The following TRIOBP variants were observed in gnomAD, a reference collection of about 807,000 sequenced individuals.
The protein encoded by TRIOBP is TRIO and F-actin binding protein, also known as TRIO and F-actin-binding protein.
Under a neutral mutation model 238.8 loss-of-function variants are expected in TRIOBP, and 169 were observed. The ratio of observed to expected loss-of-function variants is 0.71; its 90% CI spans 0.62 to 0.80. The LOEUF (loss-of-function observed/expected upper bound fraction) is 0.80, where lower values mean the gene tolerates loss of function less well. TRIOBP is among the 30% of genes least tolerant of loss of function. TRIOBP has a pLI of 0.00. For missense variants in TRIOBP, 2,838 were observed against 3,122.6 expected (o/e 0.91, Z 2.17); for synonymous variants, 1,150 against 1,274.4 (o/e 0.90, Z 2.08).
chr22:37,757,202 A>G (rs1288412569), intron 15 of TRIOBP, among the ~76,000 whole-genome samples: 3 of 152,092 alleles, frequency 2.0e-5, no homozygotes, highest in Non-Finnish European at 4.4e-5. Context: ...TCTCTATCAA[A>G]AATTTAAAAA....
intron 12 of TRIOBP, 111 bp downstream of exon 12, chr22:37,751,939 G>C (rs1925631396): frequency 1.1e-6 from 1 of 927,656 alleles, no homozygotes. Context: ...CCTGGGGGTG[G>C]GGCTGGGAGG....
At chr22:37,709,275 C>T (rs575887980) in intron 3 of TRIOBP, among the ~76,000 whole-genome samples, 1 of 152,206 alleles carries the variant, frequency 6.6e-6, no homozygotes, top group Admixed American at 6.5e-5. Flanking sequence ...GCTCTGGGCT[C>T]CAGGGTCCCC....
intron 22 of TRIOBP, among the ~76,000 whole-genome samples, chr22:37,772,124 G>C (rs1401364527): frequency 1.3e-5 from 2 of 152,186 alleles, no homozygotes; most frequent in Admixed American, 1.3e-4. Flanking sequence ...GGTGGGTCAG[G>C]GTTCAGCCCA....
Position 37,743,361 on chromosome 22 carries a change from C to T in TRIOBP, c.5322+2329C>T, listed in dbSNP as rs147253052. Among the ~76,000 whole-genome samples, 10 of 152,262 alleles carry T rather than the reference C, an allele frequency of 6.6e-5. No homozygotes were observed. The East Asian group carries it at 1.4e-3, about 21-fold the overall frequency. On this transcript the variant is annotated intron_variant, in intron 11 of 23. Transcript: ENST00000644935. The stretch of plus-strand genomic sequence containing the variant: ...TACCTTATTATTCTCAGTAGAGTAA[C>T]GGTTTGAGACTGGATAACCTCGAAG...
chr22:37,756,922 T>A (rs4821705), intron 15 of TRIOBP, among the ~76,000 whole-genome samples: 1 of 152,342 alleles, frequency 6.6e-6, no homozygotes, highest in Middle Eastern at 3.4e-3. Flanking sequence ...CTCGGGAACC[T>A]GGGACATTGG....
chr22:37,748,295 T>C (rs1303528314), intron 11 of TRIOBP, among the ~76,000 whole-genome samples: 2 of 152,132 alleles, frequency 1.3e-5, no homozygotes, highest in Non-Finnish European at 2.9e-5. Flanking sequence ...CACACCCTCC[T>C]CCCCTGGCCC....
Position 37,754,888 on chromosome 22 carries a change from C to G in TRIOBP, c.5391C>G (p.Pro1797=). The G allele has an allele frequency of 6.2e-7, 1 of 1,614,158 alleles. No individual in the cohort carries two copies. The highest frequency in any genetic ancestry group is 1.1e-5 in the South Asian group (1 of 91,084). The change falls in exon 13 of 24, where the codon CCC becomes CCG. Residue 1797 remains proline (P), a synonymous_variant. Transcript: ENST00000644935. ...CATCCTCCTTGCAGCCTCCCTCCCC[C>G]TCGCTCACCACCACCTCTACTTCGC... ...ILDEPGEPPS[P]SLTTTSTSQW...
chr22:37,730,692 A>G (rs916759618), intron 7 of TRIOBP, among the ~76,000 whole-genome samples: 1 of 152,124 alleles, frequency 6.6e-6, no homozygotes, highest in Non-Finnish European at 1.5e-5. Context: ...TTGTAATGCC[A>G]AGACTTTGGG....
intron 17 of TRIOBP, among the ~76,000 whole-genome samples, chr22:37,761,640 G>A (rs947623836): frequency 1.3e-5 from 2 of 152,120 alleles, no homozygotes; most frequent in African/African-American, 2.4e-5. Context: ...GGAGAATTTG[G>A]GACTGGATGA....
chr22:37,727,485 G>A (rs1455496119), intron 7 of TRIOBP, among the ~76,000 whole-genome samples: 14 of 151,954 alleles, frequency 9.2e-5, no homozygotes, highest in Middle Eastern at 3.4e-3. Context: ...TGGCTAACAC[G>A]GTGAAACCCC....
chr22:37,720,007 T>G (rs1449832362), intron 6 of TRIOBP, among the ~76,000 whole-genome samples: 3 of 45,082 alleles, frequency 6.7e-5, no homozygotes, highest in Non-Finnish European at 1.0e-4. Flanking sequence ...GCCCTTTTTT[T>G]TTTTTTTTTT....
chr22:37,713,432 TG>T (rs1411739940), intron 5 of TRIOBP, 21 bp downstream of exon 5: 2 of 1,610,112 alleles, frequency 1.2e-6, no homozygotes, highest in Non-Finnish European at 1.7e-6. Flanking sequence ...AGTGGGAGTT[TG>T]GGGGACAAGA....
chr22:37,704,372 G>A (rs1446164683), intron 3 of TRIOBP, among the ~76,000 whole-genome samples: 1 of 146,370 alleles, frequency 6.8e-6, no homozygotes, highest in Non-Finnish European at 1.5e-5. Flanking sequence ...GACAGAGTTG[G>A]ACCCTGACTC....
At chr22:37,749,219 G>A (rs749434473) in intron 11 of TRIOBP, among the ~76,000 whole-genome samples, 1 of 152,138 alleles carries the variant, frequency 6.6e-6, no homozygotes, top group African/African-American at 2.4e-5. Flanking sequence ...GCTGGACATG[G>A]TGGTGGGTGC....
intron 3 of TRIOBP, among the ~76,000 whole-genome samples, chr22:37,710,127 A>G (rs1243868786): frequency 6.6e-6 from 1 of 152,244 alleles, no homozygotes; most frequent in Non-Finnish European, 1.5e-5. Context: ...ACGCATGCGC[A>G]AGAGCTCGCT....
Position 37,735,043 on chromosome 22 carries a change from A to G in TRIOBP, c.4707A>G (p.Pro1569=). The change falls in exon 9 of 24, where the codon CCA becomes CCG. Residue 1569 remains proline, a synonymous_variant. Transcript: ENST00000644935. ...ATCTGCTTGGCCTTCTCCGGGCACC[A>G]GGAGAGGGGGTCTGGGCCCGTGTCC... ...WRDLLGLLRA[P]GEGVWARVPS... 2 of 1,608,342 alleles carry G rather than the reference A, an allele frequency of 1.2e-6. No individual in the cohort carries two copies. The highest frequency in any genetic ancestry group is 1.3e-5 in the African/African-American group (1 of 74,912).
Position 37,698,781 on chromosome 22 carries a change from G to T in TRIOBP, c.-61+1085G>T, listed in dbSNP as rs548088245. On this transcript the variant is annotated intron_variant, in intron 2 of 23. Transcript: ENST00000644935. ...CATTTGAGCCCGGGAGTTTGAGGTT[G>T]CAAGGAGCTATGATCGAGCCACTGC... Among the ~76,000 whole-genome samples the T allele has an allele frequency of 1.3e-4, 19 of 149,422 alleles. 1 individual carries two copies. In the East Asian group the frequency reaches 3.8e-3, roughly 30 times the overall value.
intron 15 of TRIOBP, among the ~76,000 whole-genome samples, chr22:37,757,289 G>A (rs1378585223): frequency 6.6e-6 from 1 of 152,178 alleles, no homozygotes; most frequent in African/African-American, 2.4e-5. Flanking sequence ...CTTGAGCTAA[G>A]GAGTTTAAGG....
Position 37,773,970 on chromosome 22 carries a change from A to G in TRIOBP, c.*190A>G, listed in dbSNP as rs1160600088. 3.3e-5 allele frequency: 3 copies of G among 92,076 alleles called. No individual in the cohort carries two copies. Among genetic ancestry groups the G allele is most frequent in the African/African-American group, 4.4e-5 (1 of 22,878 alleles). The allele number at this position is 92,076 out of a possible 1,614,324, so 5.7% of individuals were successfully genotyped here. On this transcript the variant is annotated 3_prime_UTR_variant, in exon 24 of 24. Coordinates refer to ENST00000644935, the MANE Select transcript of TRIOBP (RefSeq NM_001039141.3). ...CAGACACATACGCACACACGTGCACACATGTACACACGGATACACACACAC... is the reference window on the plus strand; with the variant it reads ...CAGACACATACGCACACACGTGCACGCATGTACACACGGATACACACACAC...
Sources: gnomAD v4.1 joint callset for allele counts (sites outside exome capture counted in the v4.1 genomes callset) on GRCh38, gnomAD v4.1.1 for gene constraint, MANE v1.5 for transcripts, NCBI Gene and HGNC (gene_info 2026-07-23, HGNC 2026-07-21) for gene names.